PRKCA: variants seen among roughly 807,000 people sequenced by gnomAD.
PRKCA encodes protein kinase C alpha type.
Under a neutral mutation model 87.0 loss-of-function variants are expected in PRKCA, and 27 were observed. The observed-to-expected ratio is 0.31, with a 90% CI of 0.23 to 0.43. The LOEUF (loss-of-function observed/expected upper bound fraction) is 0.43, where lower values mean the gene tolerates loss of function less well. Among genes scored for constraint, PRKCA ranks in the 20% least tolerant of loss-of-function variants. The pLI is 1.00. For missense variants in PRKCA, 518 were observed against 852.3 expected (o/e 0.61, Z 4.88); for synonymous variants, 329 against 311.1 (o/e 1.06, Z -0.61).
At chr17:66,371,978 G>C (rs1017735183) in intron 2 of PRKCA, among the ~76,000 whole-genome samples, 1 of 152,244 alleles carries the variant, frequency 6.6e-6, no homozygotes, top group Non-Finnish European at 1.5e-5. Context: ...GTGAGACGCT[G>C]TATCCAGGGT....
intron 3 of PRKCA, among the ~76,000 whole-genome samples, chr17:66,623,328 C>G (rs914765740): frequency 6.6e-6 from 1 of 152,100 alleles, no homozygotes; most frequent in African/African-American, 2.4e-5. Flanking sequence ...TACACATCAG[C>G]GGGCAATAGA....
At chr17:66,328,184 A>G (rs1338777578) in intron 2 of PRKCA, among the ~76,000 whole-genome samples, 1 of 152,080 alleles carries the variant, frequency 6.6e-6, no homozygotes, top group Non-Finnish European at 1.5e-5. Flanking sequence ...GGGTGTTAAC[A>G]GATGCATGCC....
At chr17:66,381,973 C>T (rs1024763001) in intron 2 of PRKCA, among the ~76,000 whole-genome samples, 1 of 152,094 alleles carries the variant, frequency 6.6e-6, no homozygotes, top group African/African-American at 2.4e-5. Context: ...ATAAGGTGCT[C>T]CAAAACCATG....
intron 2 of PRKCA, among the ~76,000 whole-genome samples, chr17:66,467,183 G>A (rs929964616): frequency 5.6e-4 from 86 of 152,250 alleles, no homozygotes; most frequent in Non-Finnish European, 3.1e-4. Context: ...CTTTTGGTTT[G>A]TATCGTGGCT....
At chr17:66,696,710 T>C (rs1029304522) in intron 8 of PRKCA, among the ~76,000 whole-genome samples, 2 of 152,224 alleles carry the variant, frequency 1.3e-5, no homozygotes, top group Non-Finnish European at 2.9e-5. Flanking sequence ...AACAGACCAG[T>C]GGATTGGTTG....
intron 16 of PRKCA, among the ~76,000 whole-genome samples, chr17:66,800,888 C>G (rs1298980415): frequency 6.6e-6 from 1 of 152,188 alleles, no homozygotes; most frequent in East Asian, 1.9e-4. Context: ...GAAATTCCTT[C>G]TTGCTCATCT....
chr17:66,355,083 A>G (rs1302233937), intron 2 of PRKCA, among the ~76,000 whole-genome samples: 1 of 152,232 alleles, frequency 6.6e-6, no homozygotes, highest in African/African-American at 2.4e-5. Context: ...TGAAAAACTG[A>G]ATTTCACAAT....
chr17:66,738,127 T>C (rs1010397708), intron 10 of PRKCA, among the ~76,000 whole-genome samples: 3 of 152,366 alleles, frequency 2.0e-5, no homozygotes, highest in South Asian at 4.1e-4. Context: ...ATGCCCATCA[T>C]GGGGCCAACA....
intron 3 of PRKCA, among the ~76,000 whole-genome samples, chr17:66,579,653 C>T (rs1270561272): frequency 6.6e-6 from 1 of 152,092 alleles, no homozygotes; most frequent in Non-Finnish European, 1.5e-5. Context: ...GATCAAGCTG[C>T]AGTCACTGCA....
chr17:66,411,601 G>C (rs1263906181), intron 2 of PRKCA, among the ~76,000 whole-genome samples: 2 of 152,172 alleles, frequency 1.3e-5, no homozygotes, highest in African/African-American at 4.8e-5. Flanking sequence ...TTTCATGGTA[G>C]TACTTAGATG....
intron 2 of PRKCA, among the ~76,000 whole-genome samples, chr17:66,362,622 A>G (rs1486587009): frequency 1.3e-5 from 2 of 150,994 alleles, no homozygotes; most frequent in African/African-American, 4.9e-5. Flanking sequence ...ATCTTACCTG[A>G]TGGGGAAATG....
intron 2 of PRKCA, among the ~76,000 whole-genome samples, chr17:66,486,186 A>G (rs191144628): frequency 6.6e-5 from 10 of 152,116 alleles, no homozygotes; most frequent in Non-Finnish European, 8.8e-5. Context: ...TCATATACTT[A>G]TCTTTAAGAG....
chr17:66,509,662 G>A (rs228878), intron 3 of PRKCA, among the ~76,000 whole-genome samples: 53,890 of 151,964 alleles, frequency 0.35, 10,425 homozygotes, highest in Middle Eastern at 0.49. Flanking sequence ...CCAGAATAAC[G>A]TATGACCAAA....
At chr17:66,538,443 G>A (rs1967865045) in intron 3 of PRKCA, among the ~76,000 whole-genome samples, 1 of 152,196 alleles carries the variant, frequency 6.6e-6, no homozygotes, top group South Asian at 2.1e-4. Flanking sequence ...AGGGGTGTTA[G>A]GAGGCTGTTG....
At chr17:66,489,543 T>C (rs2144085797) in intron 2 of PRKCA, among the ~76,000 whole-genome samples, 1 of 151,838 alleles carries the variant, frequency 6.6e-6, no homozygotes, top group African/African-American at 2.4e-5. Context: ...ACCATCATTA[T>C]TGACAACTAT....
intron 2 of PRKCA, among the ~76,000 whole-genome samples, chr17:66,482,316 G>A (rs1260750495): frequency 4.6e-5 from 7 of 151,998 alleles, no homozygotes; most frequent in Admixed American, 4.6e-4. Flanking sequence ...TAAAACTGTA[G>A]CTTAGGACCC....
chr17:66,780,935 C>G (rs1479609609), intron 14 of PRKCA, among the ~76,000 whole-genome samples: 1 of 151,454 alleles, frequency 6.6e-6, no homozygotes, highest in Non-Finnish European at 1.5e-5. Context: ...TGGTGAAACT[C>G]CATCTCTAAT....
intron 3 of PRKCA, among the ~76,000 whole-genome samples, chr17:66,621,030 C>T (rs1405867349): frequency 6.6e-6 from 1 of 152,218 alleles, no homozygotes; most frequent in Non-Finnish European, 1.5e-5. Flanking sequence ...CTAGCTTATG[C>T]ATCTGCTCCT....
At chr17:66,308,581 G>A (rs188424820) in intron 2 of PRKCA, among the ~76,000 whole-genome samples, 4 of 152,136 alleles carry the variant, frequency 2.6e-5, no homozygotes, top group East Asian at 1.9e-4. Context: ...ACCCTAGTGC[G>A]TTTACAAATT....
Sources: gnomAD v4.1 joint callset for allele counts (sites outside exome capture counted in the v4.1 genomes callset) on GRCh38, gnomAD v4.1.1 for gene constraint, MANE v1.5 for transcripts, NCBI Gene and HGNC (gene_info 2026-07-23, HGNC 2026-07-21) for gene names.